Variants in SYNE1 observed in about 807,000 individuals in gnomAD.
SYNE1 encodes the protein nesprin-1.
A neutral mutation model predicts 1,111.0 loss-of-function variants in SYNE1; 616 were observed. The observed-to-expected ratio is 0.55, with a 90% CI of 0.52 to 0.59. SYNE1 has a LOEUF of 0.59. SYNE1 is among the 20% of genes least tolerant of loss of function. The pLI is 0.00. For missense variants in SYNE1, 10,006 were observed against 10,417.0 expected, an observed-to-expected ratio of 0.96 and a Z score of 1.72; for synonymous variants, 3,855 against 3,825.8, an observed-to-expected ratio of 1.01 and a Z score of -0.28.
intron 123 of SYNE1, among the ~76,000 whole-genome samples, chr6:152,213,345 G>A (rs2077903105): frequency 6.6e-6 from 1 of 152,168 alleles, no homozygotes; most frequent in Admixed American, 6.5e-5. Flanking sequence ...TCTCGAGTAA[G>A]TAGCCTTTAA....
In SYNE1 at chr6:152,344,331, C is replaced by G. The variant is rs2096593528; in HGVS notation, c.12079-104G>C. ...GACCAGTACATCTAAATGGATTTTCCCCCCAAGATTCTGCAATTTCATCTA... is the reference window on the plus strand; with the variant it reads ...GACCAGTACATCTAAATGGATTTTCGCCCCAAGATTCTGCAATTTCATCTA... On this transcript the variant is annotated intron_variant, in intron 73 of 145. Coordinates refer to ENST00000367255, the MANE Select transcript of SYNE1 (RefSeq NM_182961.4). 15 of 1,422,148 alleles carry G rather than the reference C, an allele frequency of 1.1e-5. No homozygotes were observed. In the South Asian group the frequency reaches 1.8e-4, roughly 17 times the overall value. The allele number at this position is 1,422,148 out of a possible 1,614,324, so 88.1% of individuals were successfully genotyped here.
At chr6:152,572,445 G>C (rs2099467019) in intron 3 of SYNE1, among the ~76,000 whole-genome samples, 1 of 152,124 alleles carries the variant, frequency 6.6e-6, no homozygotes, top group Admixed American at 6.6e-5. Context: ...ACTTATGGGA[G>C]AAATTGTTTG....
chr6:152,498,644 T>C (rs1474467136), intron 11 of SYNE1, 98 bp downstream of exon 11: 9 of 754,956 alleles, frequency 1.2e-5, no homozygotes, highest in Non-Finnish European at 1.7e-5. Flanking sequence ...AAGAGAAATG[T>C]ATACATAAAG....
intron 70 of SYNE1, among the ~76,000 whole-genome samples, chr6:152,351,402 G>C (rs906068567): frequency 1.3e-5 from 2 of 152,172 alleles, no homozygotes; most frequent in African/African-American, 4.8e-5. Flanking sequence ...TCCTTAAAAG[G>C]TATCACTCAA....
chr6:152,350,695 G>C lies in SYNE1; in HGVS notation c.11656C>G (p.Leu3886Val). The change falls in exon 71 of 146, where the codon CTG becomes GTG. Residue 3886 changes from leucine to valine, a missense_variant. Leu to Val is a conservative substitution (Grantham distance 32, BLOSUM62 1). Coordinates refer to ENST00000367255, the MANE Select transcript of SYNE1 (RefSeq NM_182961.4). ...TCCTTTAAAGTGACGTCCTGCACCA[G>C]TTCCAAAAGAGCTTCACCCTTCTCT... ...VREKGEALLE[L>V]VQDVTLKDKI... 6.2e-7 allele frequency: 1 copy of C among 1,613,996 alleles called. No individual in the cohort carries two copies.
intron 3 of SYNE1, among the ~76,000 whole-genome samples, chr6:152,626,042 G>C (rs1019913359): frequency 2.0e-5 from 3 of 152,132 alleles, no homozygotes; most frequent in Non-Finnish European, 2.9e-5. Flanking sequence ...AGAGGCTCTA[G>C]CTCTTTCCTC....
chr6:152,386,924 A>G (rs2097534694), intron 54 of SYNE1, 148 bp downstream of exon 54: 5 of 624,220 alleles, frequency 8.0e-6, no homozygotes, highest in Non-Finnish European at 1.3e-5. Flanking sequence ...TGAATGTACA[A>G]ATAGTTTTAG....
chr6:152,577,975 A>G lies in SYNE1; in HGVS notation c.68-37954T>C, dbSNP rs1318134163. Among the ~76,000 whole-genome samples the G allele has an allele frequency of 4.6e-5, 7 of 152,160 alleles. No homozygotes were observed. In the East Asian group the frequency reaches 1.4e-3, roughly 29 times the overall value. On this transcript the variant is annotated intron_variant, in intron 3 of 145. Coordinates refer to ENST00000367255, the MANE Select transcript of SYNE1 (RefSeq NM_182961.4). ...CTACATCCTGCATTTTTCCCTGTAT[A>G]TTCTGTGATTTGATGCGGTGTTTTT...
intron 130 of SYNE1, among the ~76,000 whole-genome samples, chr6:152,175,872 T>C (rs2153126691): frequency 6.6e-6 from 1 of 152,320 alleles, no homozygotes; most frequent in East Asian, 1.9e-4. Context: ...TTCTTAGGTA[T>C]GAGGCAAACA....
intron 3 of SYNE1, among the ~76,000 whole-genome samples, chr6:152,611,866 T>G (rs1362194565): frequency 4.0e-5 from 6 of 151,494 alleles, no homozygotes; most frequent in African/African-American, 1.5e-4. Context: ...CACAACTACG[T>G]GGAAACTGAA....
rs141655355 is a variant in SYNE1, at chr6:152,136,625, T to A, written c.25652A>T (p.Gln8551Leu). ...WRGLLQDALM[Q>L]CQGFHEMSHG... ...GCCCAAAGCTCTACAGACCTGGCACTGCATCAGGGCATCCTGCAGCAGGCC... is the reference window on the plus strand; with the variant it reads ...GCCCAAAGCTCTACAGACCTGGCACAGCATCAGGGCATCCTGCAGCAGGCC... The change falls in exon 141 of 146, where the codon CAG becomes CTG. Residue 8551 changes from glutamine (Q) to leucine (L), a missense_variant. By Grantham distance (113) the Gln-to-Leu change is moderately radical. This residue lies in a region of SYNE1 where 761 missense variants were observed against 795.5 expected (regional missense o/e 0.96). Transcript: ENST00000367255. 6.2e-7 allele frequency: 1 copy of A among 1,613,330 alleles called. No homozygotes were observed. The highest frequency in any genetic ancestry group is 1.3e-5 in the African/African-American group (1 of 74,922).
At chr6:152,392,615 T>G (rs1191634033) in intron 51 of SYNE1, among the ~76,000 whole-genome samples, 1 of 152,142 alleles carries the variant, frequency 6.6e-6, no homozygotes, top group Admixed American at 6.5e-5. Flanking sequence ...CACCCTGAGA[T>G]CTGCTAAGAG....
chr6:152,573,664 CTCATAAA>C (rs1242582188), intron 3 of SYNE1, among the ~76,000 whole-genome samples: 1 of 152,130 alleles, frequency 6.6e-6, no homozygotes, highest in Non-Finnish European at 1.5e-5. Flanking sequence ...TATTGGGACT[CTCATAAA>C]TCATAACTTT....
At position 152,416,934 on chromosome 6, in the gene SYNE1, G is replaced by A. The variant is rs149448385; in HGVS notation, c.5503C>T (p.Arg1835Cys). ...GHLAKLGSLG[R>C]AEDLHLLQGK... ...TGCAGGAGGTGGAGGTCCTCAGCAC[G>A]GCCCAGAGAACCCAACTTTGCTAAG... The change falls in exon 41 of 146, where the codon CGT becomes TGT. Residue 1835 changes from arginine (R) to cysteine (C), a missense_variant. Physicochemically the swap from Arg to Cys is radical, Grantham distance 180 (BLOSUM62 -3). Coordinates refer to ENST00000367255, the MANE Select transcript of SYNE1 (RefSeq NM_182961.4). 6.2e-7 allele frequency: 1 copy of A among 1,614,124 alleles called. No individual in the cohort carries two copies. The highest frequency in any genetic ancestry group is 1.1e-5 in the South Asian group (1 of 91,090).
intron 51 of SYNE1, 24 bp from the exon 52 acceptor site, chr6:152,391,592 A>AAAAAAAG: frequency 6.5e-7 from 1 of 1,545,034 alleles, no homozygotes; most frequent in Non-Finnish European, 8.6e-7. Flanking sequence ...AAAAAAAAAA[A>AAAAAAAG]AAGAAAAAAA....
At position 152,502,748 on chromosome 6, in the gene SYNE1, A is replaced by G. The variant is rs2099036496; in HGVS notation, c.779-6T>C. ...TGGTTTATCCACATCAACGTCTGAA[A>G]AAACAAAAAAGAAATGTGAATAAAC... On this transcript the variant is annotated splice_polypyrimidine_tract_variant and splice_region_variant and intron_variant, in intron 9 of 145. Coordinates refer to ENST00000367255, the MANE Select transcript of SYNE1 (RefSeq NM_182961.4). 6.3e-7 allele frequency: 1 copy of G among 1,592,298 alleles called. No individual in the cohort carries two copies. The highest frequency in any genetic ancestry group is 8.6e-7 in the Non-Finnish European group (1 of 1,160,546).
At chr6:152,313,922 G>T (rs1241854863) in intron 87 of SYNE1, among the ~76,000 whole-genome samples, 1 of 152,042 alleles carries the variant, frequency 6.6e-6, no homozygotes, top group Non-Finnish European at 1.5e-5. Context: ...CCTACTGCTC[G>T]AGTCATAGAA....
chr6:152,280,795 CT>C (rs779569007), intron 97 of SYNE1, among the ~76,000 whole-genome samples: 7 of 152,320 alleles, frequency 4.6e-5, no homozygotes, highest in Non-Finnish European at 1.0e-4. Context: ...AGCAGAAAAA[CT>C]TGCATATGGC....
At chr6:152,419,540 C>T (rs777128778) in intron 40 of SYNE1, 29 bp downstream of exon 40, 6 of 1,463,998 alleles carry the variant, frequency 4.1e-6, no homozygotes, top group Non-Finnish European at 5.5e-6. Flanking sequence ...AATTCTTCTT[C>T]AATCTTAAAA....
Sources: gnomAD v4.1 joint callset for allele counts (sites outside exome capture counted in the v4.1 genomes callset) on GRCh38, gnomAD v4.1.1 for gene constraint, gnomAD v4.1.1 regional missense constraint, MANE v1.5 for transcripts, NCBI Gene and HGNC (gene_info 2026-07-23, HGNC 2026-07-21) for gene names.